SLC9C2: variants seen among roughly 807,000 people sequenced by gnomAD.
SLC9C2 encodes sodium/hydrogen exchanger 11.
In SLC9C2, 75 loss-of-function variants were observed where a neutral mutation model predicts 140.2. That is an observed-to-expected ratio of 0.53 (90% CI 0.44 to 0.65). The LOEUF (loss-of-function observed/expected upper bound fraction) is 0.65. SLC9C2 is among the 30% of genes least tolerant of loss of function. The pLI is 0.00. For missense variants in SLC9C2, 1,074 were observed against 1,331.8 expected, an observed-to-expected ratio of 0.81 and a Z score of 3.01; for synonymous variants, 375 against 420.9, an observed-to-expected ratio of 0.89 and a Z score of 1.34.
At chr1:173,556,883 G>A (rs895377568) in intron 10 of SLC9C2, among the ~76,000 whole-genome samples, 5 of 150,332 alleles carry the variant, frequency 3.3e-5, no homozygotes, top group African/African-American at 9.8e-5. Context: ...AGCCAAGATT[G>A]CACCACTGCA....
At chr1:173,572,439 T>C (rs1027469116) in intron 9 of SLC9C2, among the ~76,000 whole-genome samples, 37 of 152,162 alleles carry the variant, frequency 2.4e-4, no homozygotes, top group Admixed American at 1.8e-3. Context: ...CATGGGAACA[T>C]ACTATAAGAC....
In SLC9C2 at chr1:173,602,814, C is replaced by T. The variant is rs893076063; in HGVS notation, c.-143G>A. 10 of 152,142 alleles carry T rather than the reference C, an allele frequency of 6.6e-5. No homozygotes were observed. The highest frequency in any genetic ancestry group is 2.4e-4 in the African/African-American group (10 of 41,416). 9.4% of individuals were successfully genotyped at this position (152,142 alleles called of 1,614,324 possible). On this transcript the variant is annotated 5_prime_UTR_variant, in exon 1 of 28. Coordinates refer to ENST00000367714, the MANE Select transcript of SLC9C2 (RefSeq NM_178527.4). ...ATTCTGGTGTGAAGCAGAGGATGGG[C>T]CAGAAAGAGATTCAAAATGCTACAT...
chr1:173,601,645 C>G lies in SLC9C2; in HGVS notation c.127+5G>C, dbSNP rs764040871. 9 of 1,612,756 alleles carry G rather than the reference C, an allele frequency of 5.6e-6. No individual in the cohort carries two copies. Among genetic ancestry groups the G allele is most frequent in the Non-Finnish European group, 7.6e-6 (9 of 1,179,442 alleles). On this transcript the variant is annotated splice_donor_5th_base_variant and intron_variant, in intron 2 of 27. Transcript: ENST00000367714. ...GAAAGATGAGTTTCAAAAACAACCACCTACCTCCCAAAACAACAATGAAGC... is the reference window on the plus strand; with the variant it reads ...GAAAGATGAGTTTCAAAAACAACCAGCTACCTCCCAAAACAACAATGAAGC...
intron 27 of SLC9C2, among the ~76,000 whole-genome samples, chr1:173,502,862 G>A (rs545750288): frequency 6.6e-6 from 1 of 152,284 alleles, no homozygotes; most frequent in African/African-American, 2.4e-5. Context: ...AGATGCGTGT[G>A]ATCAGCCTGT....
At chr1:173,566,782 G>GTTTT (rs201850319) in intron 9 of SLC9C2, among the ~76,000 whole-genome samples, 1 of 142,440 alleles carries the variant, frequency 7.0e-6, no homozygotes, top group Non-Finnish European at 1.5e-5. Flanking sequence ...TTTGCTTGGA[G>GTTTT]TTTTTTTTTT....
Position 173,500,465 on chromosome 1 carries a change from A to C in SLC9C2, c.*629T>G, listed in dbSNP as rs1659193999. The C allele has an allele frequency of 6.6e-6, 1 of 152,240 alleles. No individual in the cohort carries two copies. Among genetic ancestry groups the C allele is most frequent in the African/African-American group, 2.4e-5 (1 of 41,450 alleles). 9.4% of individuals were successfully genotyped at this position (152,240 alleles called of 1,614,324 possible). On this transcript the variant is annotated 3_prime_UTR_variant, in exon 28 of 28. Transcript: ENST00000367714. ...GGAATAATGGGTTCTAATAATAAAT[A>C]GACAACCATAAAACTCAACTTTATT...
intron 17 of SLC9C2, among the ~76,000 whole-genome samples, chr1:173,530,993 A>G (rs975634011): frequency 7.9e-5 from 12 of 152,186 alleles, no homozygotes; most frequent in South Asian, 2.1e-4. Context: ...TCTACAGTGC[A>G]CTGACACTCC....
In SLC9C2 at chr1:173,531,851, C is replaced by A. The variant is rs970139680; in HGVS notation, c.2163+1758G>T. Among the ~76,000 whole-genome samples the A allele has an allele frequency of 3.0e-4, 46 of 152,274 alleles. 1 individual carries two copies. Among genetic ancestry groups the A allele is most frequent in the African/African-American group, 1.1e-3 (45 of 41,552 alleles). ...TAATTATTTTATATTTACCTGCATA[C>A]GATTTCTGTATAAATACTGATTACC... On this transcript the variant is annotated intron_variant, in intron 17 of 27. Coordinates refer to ENST00000367714, the MANE Select transcript of SLC9C2 (RefSeq NM_178527.4).
chr1:173,581,849 A>G lies in SLC9C2; in HGVS notation c.800T>C (p.Ile267Thr). The G allele has an allele frequency of 3.2e-6, 5 of 1,546,250 alleles. No homozygotes were observed. Among genetic ancestry groups the G allele is most frequent in the Non-Finnish European group, 4.4e-6 (5 of 1,140,218 alleles). The change falls in exon 7 of 28, where the codon ATT becomes ACT. Residue 267 changes from isoleucine to threonine, a missense_variant and splice_region_variant. Coordinates refer to ENST00000367714, the MANE Select transcript of SLC9C2 (RefSeq NM_178527.4). ...TTTTGTATTTATTTCAGCCTTACCAATATAGAAAGTCATGTACACCATTGA... is the reference window on the plus strand; with the variant it reads ...TTTTGTATTTATTTCAGCCTTACCAGTATAGAAAGTCATGTACACCATTGA... Reference protein sequence around the residue: ...CFSMVYMTFYIVEFLGMSGTL... With the variant: ...CFSMVYMTFYTVEFLGMSGTL...
chr1:173,593,754 C>A (rs1325803952), intron 4 of SLC9C2, among the ~76,000 whole-genome samples: 1 of 151,988 alleles, frequency 6.6e-6, no homozygotes, highest in Non-Finnish European at 1.5e-5. Flanking sequence ...AGACTTTAAG[C>A]CAACAAAGAT....
chr1:173,526,280 ATG>A (rs1661189722), intron 19 of SLC9C2, among the ~76,000 whole-genome samples: 1 of 152,248 alleles, frequency 6.6e-6, no homozygotes, highest in African/African-American at 2.4e-5. Flanking sequence ...AAACAAAACA[ATG>A]AAACAAAACC....
chr1:173,571,840 T>C (rs1664861254), intron 9 of SLC9C2: 1 of 152,194 alleles, frequency 6.6e-6, no homozygotes, highest in Non-Finnish European at 1.5e-5. Context: ...ATGTTTTGTT[T>C]TAAAACCTAC....
At position 173,548,536 on chromosome 1, in the gene SLC9C2, G is replaced by A. The variant is rs1193815470; in HGVS notation, c.1314C>T (p.Ser438=). Reference sequence around the variant, plus strand: ...TTTGCAAGATCATTTGTCTTGGGAGGGAAAGAACACACAAATCTGTGACAA... The same window carrying A: ...TTTGCAAGATCATTTGTCTTGGGAGAGAAAGAACACACAAATCTGTGACAA... ...SARKLDLCVL[S]LPRQMILQNA... is the part of the protein sequence containing the mutation. Residue 438 remains serine (S), a synonymous_variant, in exon 12 of 28, where the codon TCC becomes TCT. Transcript: ENST00000367714. 1 of 1,613,562 alleles carries A rather than the reference G, an allele frequency of 6.2e-7. No homozygotes were observed. The highest frequency in any genetic ancestry group is 1.3e-5 in the African/African-American group (1 of 74,972).
chr1:173,548,632 T>G, intron 11 of SLC9C2, 80 bp from the exon 12 acceptor site: 1 of 1,504,194 alleles, frequency 6.6e-7, no homozygotes, highest in Non-Finnish European at 9.2e-7. Context: ...TGCATGATCA[T>G]GTAGTGAAAT....
In SLC9C2 at chr1:173,505,290, T is replaced by C. The variant is rs12026637; in HGVS notation, c.3267A>G (p.Gln1089=). ...TSDLSKLLII[Q]ASELTQRNSN... ...TATTTCTTTGGGTAAGCTCAGATGC[T>C]TGGATTATCAGCAGCTTGCTTAAAT... Residue 1089 remains glutamine, a synonymous_variant, in exon 26 of 28, where the codon CAA becomes CAG. Transcript: ENST00000367714. The C allele has an allele frequency of 0.23, 371,741 of 1,612,786 alleles. 51,003 individuals are homozygous for C. The highest frequency in any genetic ancestry group is 0.65 in the East Asian group (28,987 of 44,852).
At chr1:173,526,237 T>G (rs902645747) in intron 19 of SLC9C2, among the ~76,000 whole-genome samples, 4 of 152,220 alleles carry the variant, frequency 2.6e-5, no homozygotes, top group African/African-American at 7.2e-5. Flanking sequence ...ATGACATTCG[T>G]TGCAGCCCTA....
Position 173,576,755 on chromosome 1 carries a change from A to C in SLC9C2, c.808T>G (p.Phe270Val). ...GCAAGAGTGCCTGACATTCCTAAAA[A>C]TTCCACTGGGGAGAAAAAAAAAACA... ...MVYMTFYIVE[F>V]LGMSGTLALA... Residue 270 changes from phenylalanine (F) to valine (V), a missense_variant, in exon 8 of 28, where the codon TTT (phenylalanine) becomes GTT (valine). Physicochemically the swap from Phe to Val is conservative, Grantham distance 50 (BLOSUM62 -1). Coordinates refer to ENST00000367714, the MANE Select transcript of SLC9C2 (RefSeq NM_178527.4). 1 of 1,594,160 alleles carries C rather than the reference A, an allele frequency of 6.3e-7. No individual in the cohort carries two copies.
chr1:173,556,520 A>T (rs914976249), intron 10 of SLC9C2, among the ~76,000 whole-genome samples: 1 of 152,218 alleles, frequency 6.6e-6, no homozygotes, highest in Non-Finnish European at 1.5e-5. Flanking sequence ...TTATCTTGGT[A>T]TACTTAACTA....
At chr1:173,569,101 T>A (rs1664678746) in intron 9 of SLC9C2, among the ~76,000 whole-genome samples, 1 of 152,096 alleles carries the variant, frequency 6.6e-6, no homozygotes, top group Non-Finnish European at 1.5e-5. Context: ...AAAAGTTATT[T>A]TCCTTCAGCA....
Sources: allele counts gnomAD v4.1 joint callset (sites outside exome capture counted in the v4.1 genomes callset), GRCh38; gene constraint gnomAD v4.1.1; transcripts MANE v1.5; gene names NCBI Gene and HGNC (gene_info 2026-07-23, HGNC 2026-07-21).